The following CASD1 variants were observed in gnomAD, a reference collection of about 807,000 sequenced individuals.
The protein encoded by CASD1 is N-acetylneuraminate (7)9-O-acetyltransferase.
Under a neutral mutation model 100.0 loss-of-function variants are expected in CASD1, and 41 were observed. That is an observed-to-expected ratio of 0.41 (90% CI 0.32 to 0.53). CASD1 has a LOEUF of 0.53. Among genes scored for constraint, CASD1 ranks in the 20% least tolerant of loss-of-function variants. The probability of loss-of-function intolerance (pLI) is 0.25; values close to 1 mark genes in which losing one functional copy is unlikely to be tolerated. For missense variants in CASD1, 774 were observed against 948.7 expected (o/e 0.82, Z 2.42); for synonymous variants, 321 against 315.6 (o/e 1.02, Z -0.18).
chr7:94,601,459 A>G, the CASD1 span, among the ~76,000 whole-genome samples: 2 of 68,562 alleles, frequency 2.9e-5, no homozygotes, highest in African/African-American at 7.1e-5. Flanking sequence ...AAAAAAAAAA[A>G]AAAAAAAAAA....
At chr7:94,532,045 T>C (rs867961306) in intron 5 of CASD1, among the ~76,000 whole-genome samples, 1 of 152,132 alleles carries the variant, frequency 6.6e-6, no homozygotes, top group African/African-American at 2.4e-5. Flanking sequence ...ATACTTGTTA[T>C]ATATAACATA....
downstream of CASD1, among the ~76,000 whole-genome samples, chr7:94,561,613 C>G (rs1303819467): frequency 1.3e-5 from 2 of 150,660 alleles, no homozygotes; most frequent in African/African-American, 2.4e-5. Context: ...TTTTTTTTTT[C>G]CTAAAGAGAA....
the CASD1 span, chr7:94,599,463 C>G: frequency 1.9e-6 from 1 of 518,364 alleles, no homozygotes; most frequent in African/African-American, 1.9e-5. Flanking sequence ...TATTCTGAAT[C>G]TGAAATATTT....
chr7:94,509,848 G>GAGC lies in CASD1; in HGVS notation c.-233_-231dup, dbSNP rs1469088062. On this transcript the variant is annotated 5_prime_UTR_variant, in exon 1 of 18. Coordinates refer to ENST00000297273, the MANE Select transcript of CASD1 (RefSeq NM_022900.5). The stretch of plus-strand genomic sequence containing the variant: ...GGGCGCCTGGGGAACCGGCACGGCG[G>GAGC]AGCAGCGGCGGCGGGGCTGGGGGGA... 3.4e-5 allele frequency: 34 copies of GAGC among 1,007,756 alleles called. No individual in the cohort carries two copies. The highest frequency in any genetic ancestry group is 8.7e-5 in the African/African-American group (5 of 57,632). The allele number at this position is 1,007,756 out of a possible 1,614,324, so 62.4% of individuals were successfully genotyped here. A position where few individuals can be genotyped will look rare whatever the true frequency, so the allele number is the denominator to read the frequency against.
intron 11 of CASD1, 68 bp downstream of exon 11, chr7:94,544,598 G>C: frequency 6.7e-7 from 1 of 1,500,536 alleles, no homozygotes; most frequent in Non-Finnish European, 9.0e-7. Context: ...ATTAACTTGA[G>C]AAAAAAATAT....
At chr7:94,590,417 G>C in the CASD1 span, 8 of 152,030 alleles carry the variant, frequency 5.3e-5, no homozygotes, top group Non-Finnish European at 1.2e-4. Flanking sequence ...TTGCCCCAAA[G>C]TATATTAAGA....
intron 14 of CASD1, among the ~76,000 whole-genome samples, chr7:94,549,921 T>A (rs528986208): frequency 6.6e-6 from 1 of 152,198 alleles, no homozygotes; most frequent in African/African-American, 2.4e-5. Context: ...GTTGTATATA[T>A]GCTTCAGCCA....
At chr7:94,587,498 A>T in the CASD1 span, 2 of 1,292,910 alleles carry the variant, frequency 1.5e-6, no homozygotes, top group Middle Eastern at 2.9e-4. Context: ...TCGTAGAAGT[A>T]TTCTTTTAGA....
At chr7:94,614,647 T>G in the CASD1 span, among the ~76,000 whole-genome samples, 1 of 152,284 alleles carries the variant, frequency 6.6e-6, no homozygotes, top group Non-Finnish European at 1.5e-5. Context: ...CAGTCAGCCT[T>G]CAGCTCCTCT....
intron 6 of CASD1, among the ~76,000 whole-genome samples, chr7:94,533,462 A>G (rs1241981071): frequency 2.0e-5 from 3 of 152,146 alleles, no homozygotes; most frequent in East Asian, 3.8e-4. Flanking sequence ...CTAAAATTGT[A>G]TTCTTCTTGA....
At chr7:94,554,261 G>T (rs1796097360) in intron 16 of CASD1, 1 of 369,328 alleles carries the variant, frequency 2.7e-6, no homozygotes, top group Non-Finnish European at 4.9e-6. Context: ...TACTTAAAAT[G>T]TTCATTGGTA....
the CASD1 span, among the ~76,000 whole-genome samples, chr7:94,615,183 AC>A: frequency 4.2e-3 from 638 of 152,226 alleles, 3 homozygotes; most frequent in African/African-American, 0.014. Flanking sequence ...ACATGGTGAA[AC>A]CCCATCTCTA....
chr7:94,562,601 G>T, the CASD1 span, among the ~76,000 whole-genome samples: 10 of 151,770 alleles, frequency 6.6e-5, no homozygotes, highest in African/African-American at 2.4e-4. Context: ...CACTTCATGT[G>T]TTTCTTTTCA....
rs201035184 is a variant in CASD1 at position 94,532,941 on chromosome 7, CT to C, written c.460-256del. On this transcript the variant is annotated intron_variant, in intron 5 of 17. Transcript: ENST00000297273. ...TAGGTCGTGTTAGATTTCAGTGGTG[CT>C]TTTTTTTAAGAACACCAAAGAATTA... 2.0e-5 allele frequency among the ~76,000 whole-genome samples: 3 copies of C among 151,686 alleles called. 1 individual carries two copies. In the South Asian group the frequency reaches 6.3e-4, roughly 32 times the overall value.
At chr7:94,610,534 T>A in the CASD1 span, among the ~76,000 whole-genome samples, 1 of 152,142 alleles carries the variant, frequency 6.6e-6, no homozygotes, top group Non-Finnish European at 1.5e-5. Context: ...AATCAAAGAC[T>A]TTAAGAGCTA....
chr7:94,559,582 A>G (rs565042557), downstream of CASD1, among the ~76,000 whole-genome samples: 2 of 152,070 alleles, frequency 1.3e-5, no homozygotes, highest in African/African-American at 2.4e-5. Flanking sequence ...CTGGAGTGCA[A>G]TGGCGCAATC....
the CASD1 span, among the ~76,000 whole-genome samples, chr7:94,616,172 CACTT>C: frequency 1.3e-5 from 2 of 152,128 alleles, no homozygotes; most frequent in African/African-American, 2.4e-5. Context: ...TGGGGACTGA[CACTT>C]AATGACACTT....
the CASD1 span, among the ~76,000 whole-genome samples, chr7:94,567,903 C>T: frequency 2.0e-5 from 3 of 152,192 alleles, no homozygotes; most frequent in Admixed American, 2.0e-4. Flanking sequence ...TTCCTTTATA[C>T]ATTATAAGGA....
At chr7:94,581,314 G>T in the CASD1 span, among the ~76,000 whole-genome samples, 3 of 152,130 alleles carry the variant, frequency 2.0e-5, no homozygotes, top group African/African-American at 7.2e-5. Flanking sequence ...TAGTTGTCAG[G>T]CAAACTTCCA....
Sources: allele counts gnomAD v4.1 joint callset (sites outside exome capture counted in the v4.1 genomes callset), GRCh38; gene constraint gnomAD v4.1.1; transcripts MANE v1.5; gene names NCBI Gene and HGNC (gene_info 2026-07-23, HGNC 2026-07-21).